Variants in PRKAB1 observed in about 807,000 individuals in gnomAD.
PRKAB1 encodes 5'-AMP-activated protein kinase subunit beta-1.
Under a neutral mutation model 32.0 loss-of-function variants are expected in PRKAB1, and 18 were observed. The observed-to-expected ratio is 0.56, with a 90% confidence interval of 0.39 to 0.83. PRKAB1 has a LOEUF of 0.83. PRKAB1 is among the 40% of genes least tolerant of loss of function. The probability of loss-of-function intolerance (pLI) is 0.00; values close to 1 mark genes in which losing one functional copy is unlikely to be tolerated. For synonymous variants in PRKAB1, 141 were observed against 141.4 expected (o/e 1.00, Z 0.02); for missense variants, 263 against 352.6 (o/e 0.75, Z 2.03).
intron 4 of PRKAB1, among the ~76,000 whole-genome samples, chr12:119,675,507 A>T (rs1249685237): frequency 1.3e-5 from 2 of 152,222 alleles, no homozygotes; most frequent in East Asian, 3.8e-4. Context: ...ATCCTCCAAA[A>T]TATATAACTT....
In PRKAB1 at chr12:119,680,465, T is replaced by C. The variant is rs1955456938; in HGVS notation, c.*140T>C. ...CATTTCATACCTGCCCTGGTCCTGC[T>C]TGAAGGTTTGTCCAGGCAGAGCAGC... On this transcript the variant is annotated 3_prime_UTR_variant, in exon 7 of 7. Transcript: ENST00000229328. The C allele has an allele frequency of 1.1e-6, 1 of 885,826 alleles. No homozygotes were observed. The highest frequency in any genetic ancestry group is 2.2e-5 in the Admixed American group (1 of 45,534). 54.9% of individuals were successfully genotyped at this position (885,826 alleles called of 1,614,324 possible). A position where few individuals can be genotyped will look rare whatever the true frequency, so the allele number is the denominator to read the frequency against.
intron 5 of PRKAB1, among the ~76,000 whole-genome samples, 190 bp downstream of exon 5, chr12:119,676,860 T>G (rs1472634456): frequency 6.6e-6 from 1 of 152,240 alleles, no homozygotes; most frequent in Non-Finnish European, 1.5e-5. Context: ...CACCGCTGCC[T>G]CGTCTTGCAA....
At position 119,681,485 on chromosome 12, in the gene PRKAB1, GGA is replaced by G. The variant is rs1955463646; in HGVS notation, c.*1162_*1163del. On this transcript the variant is annotated 3_prime_UTR_variant, in exon 7 of 7. Transcript: ENST00000229328. ...ATGCCCTTTGCTCCTGGTGGGAGAG[GGA>G]GGAGTGAGCTCCCTGGGTTCCAGTA... 1 of 152,232 alleles carries G rather than the reference GGA, an allele frequency of 6.6e-6. No individual in the cohort carries two copies. 9.4% of individuals were successfully genotyped at this position (152,232 alleles called of 1,614,324 possible). A position where few individuals can be genotyped will look rare whatever the true frequency, so the allele number is the denominator to read the frequency against.
Position 119,680,537 on chromosome 12 carries a change from C to T in PRKAB1, c.*212C>T, listed in dbSNP as rs1955457447. On this transcript the variant is annotated 3_prime_UTR_variant, in exon 7 of 7. Transcript: ENST00000229328. ...GACAGTCCTCCTAGCACCCCCATGG[C>T]TTTGAGCCTCGGGGACTCATCAAGT... is the stretch of plus-strand genomic sequence containing the variant. The T allele has an allele frequency of 6.8e-6, 4 of 584,758 alleles. No individual in the cohort carries two copies. In the East Asian group the frequency reaches 1.1e-4, roughly 17 times the overall value. The allele number at this position is 584,758 out of a possible 1,614,324, so 36.2% of individuals were successfully genotyped here.
chr12:119,672,549 G>A lies in PRKAB1; in HGVS notation c.323+85G>A. 3 of 1,363,504 alleles carry A rather than the reference G, an allele frequency of 2.2e-6. No individual in the cohort carries two copies. In the South Asian group the frequency reaches 5.2e-5, roughly 23 times the overall value. 84.5% of individuals were successfully genotyped at this position (1,363,504 alleles called of 1,614,324 possible). A position where few individuals can be genotyped will look rare whatever the true frequency, so the allele number is the denominator to read the frequency against. On this transcript the variant is annotated intron_variant, in intron 2 of 6. Transcript: ENST00000229328. ...CATCTCTGAGAGAGAACAGAAAATG[G>A]ATGTTTCTATAAAATGGATGCCTAG...
At chr12:119,667,978 G>A, upstream of PRKAB1, 2 of 460,220 alleles carry the variant, frequency 4.3e-6, no homozygotes, top group African/African-American at 2.1e-5. Flanking sequence ...GAGGGGTGGT[G>A]AAGCGGTTGG....
chr12:119,674,606 G>T lies in PRKAB1; in HGVS notation c.532+152G>T. The T allele has an allele frequency of 1.8e-6, 1 of 566,674 alleles. No individual in the cohort carries two copies. The highest frequency in any genetic ancestry group is 3.1e-6 in the Non-Finnish European group (1 of 327,524). The allele number at this position is 566,674 out of a possible 1,614,324, so 35.1% of individuals were successfully genotyped here. A position where few individuals can be genotyped will look rare whatever the true frequency, so the allele number is the denominator to read the frequency against. ...TTAAAGGCCACAGAACTTAATTCCT[G>T]TCAGGTTGTTGAAATTTAGCCCTAA... On this transcript the variant is annotated intron_variant, in intron 4 of 6. Transcript: ENST00000229328. This position sits in a 1 kb window ranked among gnomAD's most constrained non-coding sequence, Gnocchi z 4.3.
intron 6 of PRKAB1, 80 bp from the exon 7 acceptor site, chr12:119,680,168 G>A: frequency 6.6e-7 from 1 of 1,518,274 alleles, no homozygotes; most frequent in African/African-American, 1.4e-5. Flanking sequence ...GTGGTTTTAT[G>A]AAGCCCTTAA....
At chr12:119,668,070 G>A (rs1457647469), upstream of PRKAB1, 4 of 775,268 alleles carry the variant, frequency 5.2e-6, no homozygotes, top group Non-Finnish European at 7.5e-6. Context: ...CGAGAGCTCG[G>A]CAACCCTGCC....
intron 2 of PRKAB1, 140 bp from the exon 3 acceptor site, chr12:119,673,824 A>G (rs1955404315): frequency 1.5e-6 from 1 of 652,412 alleles, no homozygotes; most frequent in Non-Finnish European, 2.6e-6. Context: ...TGAATTGTCT[A>G]AATGGGCTAA....
chr12:119,672,199 TGAACCAAGATAG>T (rs1360537302), intron 1 of PRKAB1, 90 bp from the exon 2 acceptor site: 7 of 1,245,928 alleles, frequency 5.6e-6, no homozygotes, highest in Non-Finnish European at 7.6e-6. Context: ...ATCCTAACCA[TGAACCAAGATAG>T]TAACAGCTGC....
In PRKAB1 at chr12:119,673,753, T is replaced by C; in HGVS notation, c.324-211T>C. 9.1e-6 allele frequency: 4 copies of C among 441,306 alleles called. No individual in the cohort carries two copies. In the South Asian group the frequency reaches 1.8e-4, roughly 20 times the overall value. The allele number at this position is 441,306 out of a possible 1,614,324, so 27.3% of individuals were successfully genotyped here. On this transcript the variant is annotated intron_variant, in intron 2 of 6. Coordinates refer to ENST00000229328, the MANE Select transcript of PRKAB1 (RefSeq NM_006253.5). ...TCCTGGTATTTGAGTAAGGTGAGTT[T>C]TCAGGAAACTGTGTCGCACTGCTGC...
In PRKAB1 at chr12:119,680,402, A is replaced by G. The variant is rs2136862228; in HGVS notation, c.*77A>G. On this transcript the variant is annotated 3_prime_UTR_variant, in exon 7 of 7. Coordinates refer to ENST00000229328, the MANE Select transcript of PRKAB1 (RefSeq NM_006253.5). ...ACGTGCATGCTTTCCCCAAGAGGGA[A>G]TGGACTGTACATTGCTCATTTCACA... 7.2e-7 allele frequency: 1 copy of G among 1,384,428 alleles called. No individual in the cohort carries two copies. Among genetic ancestry groups the G allele is most frequent in the Non-Finnish European group, 1.0e-6 (1 of 980,270 alleles). 85.8% of individuals were successfully genotyped at this position (1,384,428 alleles called of 1,614,324 possible). A position where few individuals can be genotyped will look rare whatever the true frequency, so the allele number is the denominator to read the frequency against.
At chr12:119,672,170 C>A in intron 1 of PRKAB1, 131 bp from the exon 2 acceptor site, 1 of 882,772 alleles carries the variant, frequency 1.1e-6, no homozygotes, top group Non-Finnish European at 1.7e-6. Context: ...GAAACTGAGG[C>A]ACCACTAGTA....
rs932726385 is a variant in PRKAB1, at chr12:119,674,729, G to A, written c.532+275G>A. Among the ~76,000 whole-genome samples the A allele has an allele frequency of 6.6e-6, 1 of 152,198 alleles. No individual in the cohort carries two copies. Among genetic ancestry groups the A allele is most frequent in the Admixed American group, 6.5e-5 (1 of 15,282 alleles). On this transcript the variant is annotated intron_variant, in intron 4 of 6. Transcript: ENST00000229328. The surrounding 1 kb of genome is among the most constrained non-coding windows in gnomAD (Gnocchi z 4.3). ...AGAAATGGAACCATAGCTTGATCTC[G>A]TGCCAAGGGCAGGGCTGAAGAGGCC...
rs1237307755 is a variant in PRKAB1, at chr12:119,679,724, A to G, written c.667-209A>G. On this transcript the variant is annotated intron_variant, in intron 5 of 6. Transcript: ENST00000229328. This position sits in a 1 kb window ranked among gnomAD's most constrained non-coding sequence, Gnocchi z 4.1. ...GCCAGAGACACACACCGATGCCTCC[A>G]GCAGGCATGCAGGGAGCTCCCTTCA... 1.7e-6 allele frequency: 1 copy of G among 576,190 alleles called. No individual in the cohort carries two copies. Among genetic ancestry groups the G allele is most frequent in the Non-Finnish European group, 3.2e-6 (1 of 316,836 alleles). The allele number at this position is 576,190 out of a possible 1,614,324, so 35.7% of individuals were successfully genotyped here.
In PRKAB1 at chr12:119,668,340, C is replaced by G. The variant is rs373680495; in HGVS notation, c.96C>G (p.Asp32Glu). ...GCTCGGGGGGCACCAAGGACGGGGA[C>G]AGGCCCAAGATCCTGATGGACAGCC... Reference protein sequence around the residue: ...RDSSGGTKDGDRPKILMDSPE... With the variant: ...RDSSGGTKDGERPKILMDSPE... Residue 32 changes from aspartate (D) to glutamate (E), a missense_variant, in exon 1 of 7, where the codon GAC (aspartate) becomes GAG (glutamate). Coordinates refer to ENST00000229328, the MANE Select transcript of PRKAB1 (RefSeq NM_006253.5). 51 of 1,613,172 alleles carry G rather than the reference C, an allele frequency of 3.2e-5. No homozygotes were observed. The highest frequency in any genetic ancestry group is 4.2e-5 in the Non-Finnish European group (49 of 1,179,690).
At chr12:119,676,436 G>A (rs1955426815) in intron 4 of PRKAB1, 101 bp from the exon 5 acceptor site, 10 of 1,347,430 alleles carry the variant, frequency 7.4e-6, no homozygotes, top group Middle Eastern at 1.9e-4. Flanking sequence ...TCTGCATTGA[G>A]GGAACAAGAG....
Position 119,674,328 on chromosome 12 carries a change from G to A in PRKAB1, c.418-12G>A, listed in dbSNP as rs754748972. 3.2e-6 allele frequency: 5 copies of A among 1,586,642 alleles called. No homozygotes were observed. The highest frequency in any genetic ancestry group is 3.5e-6 in the Non-Finnish European group (4 of 1,155,390). On this transcript the variant is annotated splice_polypyrimidine_tract_variant and intron_variant, in intron 3 of 6. Transcript: ENST00000229328. This position sits in a 1 kb window ranked among gnomAD's most constrained non-coding sequence, Gnocchi z 4.3. ...TCCACGTTATGATTTCTGCCTATCTGTCTCTTCCCAGCCCATAGTAACCAG... is the reference window on the plus strand; with the variant it reads ...TCCACGTTATGATTTCTGCCTATCTATCTCTTCCCAGCCCATAGTAACCAG...
Sources: allele counts gnomAD v4.1 joint callset (sites outside exome capture counted in the v4.1 genomes callset), GRCh38; gene constraint gnomAD v4.1.1; non-coding constraint Gnocchi (gnomAD v3.1); transcripts MANE v1.5; gene names NCBI Gene and HGNC (gene_info 2026-07-23, HGNC 2026-07-21).